Variants in SLC4A8 observed in about 807,000 individuals in gnomAD.
SLC4A8 encodes the protein solute carrier family 4 member 8, also known as electroneutral sodium bicarbonate exchanger 1.
SLC4A8 carries 40 observed loss-of-function variants against 125.0 expected under a neutral mutation model. The ratio of observed to expected loss-of-function variants is 0.32; its 90% CI spans 0.25 to 0.42. The LOEUF (loss-of-function observed/expected upper bound fraction) is 0.42. Among genes scored for constraint, SLC4A8 ranks in the 10% least tolerant of loss-of-function variants. The pLI is 1.00. For missense variants in SLC4A8, 863 were observed against 1,355.1 expected (o/e 0.64, Z 5.70); for synonymous variants, 456 against 476.0 (o/e 0.96, Z 0.55).
intron 1 of SLC4A8, among the ~76,000 whole-genome samples, chr12:51,411,732 G>A (rs1023303482): frequency 1.3e-5 from 2 of 151,946 alleles, no homozygotes. Flanking sequence ...CTAGTCTTCT[G>A]CAGTGTCAGT....
chr12:51,453,642 C>T lies in SLC4A8; in HGVS notation c.517C>T (p.Leu173Phe). ...LHSLFELRSC[L>F]INGTVLLDMH... ...CAGCCTGTTTGAGCTAAGGAGCTGC[C>T]TTATTAATGGAACAGTCCTCCTGGA... The change falls in exon 5 of 25, where the codon CTT becomes TTT. Residue 173 changes from leucine to phenylalanine, a missense_variant. By Grantham distance (22) the Leu-to-Phe change is conservative. Around this residue, in one of 6 missense-constraint regions of SLC4A8, gnomAD observed 390 missense variants for 634.4 expected, o/e 0.61. Transcript: ENST00000453097. 6.2e-7 allele frequency: 1 copy of T among 1,614,114 alleles called. No homozygotes were observed. The highest frequency in any genetic ancestry group is 8.5e-7 in the Non-Finnish European group (1 of 1,179,994).
At position 51,470,365 on chromosome 12, in the gene SLC4A8, C is replaced by T. The variant is rs764774902; in HGVS notation, c.1525-27C>T. 22 of 1,611,730 alleles carry T rather than the reference C, an allele frequency of 1.4e-5. No individual in the cohort carries two copies. In the South Asian group the frequency reaches 2.4e-4, roughly 18 times the overall value. ...TTACTCTGTACTGATGGGCTATGGA[C>T]TCAGTGATGACTTTTTTTCCTCTCA... On this transcript the variant is annotated intron_variant, in intron 12 of 24. Coordinates refer to ENST00000453097, the MANE Select transcript of SLC4A8 (RefSeq NM_001039960.3).
At chr12:51,487,106 AC>A (rs1310937513) in intron 17 of SLC4A8, among the ~76,000 whole-genome samples, 2 of 152,200 alleles carry the variant, frequency 1.3e-5, no homozygotes, top group East Asian at 3.8e-4. Flanking sequence ...AATTTCTGGG[AC>A]ATCTGTGAAG....
intron 5 of SLC4A8, among the ~76,000 whole-genome samples, chr12:51,456,714 T>G (rs1340149812): frequency 6.6e-6 from 1 of 152,238 alleles, no homozygotes; most frequent in Non-Finnish European, 1.5e-5. Flanking sequence ...GAACTCATAC[T>G]GATAACTGCT....
At chr12:51,459,498 T>G (rs898391626) in intron 7 of SLC4A8, among the ~76,000 whole-genome samples, 1 of 152,144 alleles carries the variant, frequency 6.6e-6, no homozygotes, top group East Asian at 1.9e-4. Flanking sequence ...ATATCCTCCT[T>G]CTGGGGTTTT....
intron 8 of SLC4A8, among the ~76,000 whole-genome samples, chr12:51,460,354 A>G (rs550316767): frequency 6.6e-6 from 1 of 151,558 alleles, no homozygotes; most frequent in East Asian, 1.9e-4. Flanking sequence ...GGATAGCACC[A>G]TGGCACCCCA....
At chr12:51,470,658 A>C in intron 13 of SLC4A8, 133 bp downstream of exon 13, 3 of 823,030 alleles carry the variant, frequency 3.6e-6, no homozygotes, top group Non-Finnish European at 5.8e-6. Context: ...GGAGACCATC[A>C]TTTGGTCTGT....
rs376513115 is a variant in SLC4A8, at chr12:51,450,910, G to A, written c.165G>A (p.Pro55=). 187 of 1,612,312 alleles carry A rather than the reference G, an allele frequency of 1.2e-4. No individual in the cohort carries two copies. The highest frequency in any genetic ancestry group is 1.5e-4 in the Non-Finnish European group (177 of 1,179,152). Residue 55 remains proline (P), a synonymous_variant, in exon 3 of 25, where the codon CCG becomes CCA. Coordinates refer to ENST00000453097, the MANE Select transcript of SLC4A8 (RefSeq NM_001039960.3). ...CTCTGTATGTGGGAGTTCGGATGCC[G>A]CTTGGCCGGCAGAGCCATCGGCATC... The part of the protein sequence containing the change: ...HRTLYVGVRM[P]LGRQSHRHHR...
At chr12:51,445,196 G>A (rs1949733886) in intron 2 of SLC4A8, among the ~76,000 whole-genome samples, 1 of 152,158 alleles carries the variant, frequency 6.6e-6, no homozygotes, top group Non-Finnish European at 1.5e-5. Context: ...TTTTGAGGCA[G>A]GGTCTCACTC....
At chr12:51,477,054 C>A (rs1464895998) in intron 16 of SLC4A8, among the ~76,000 whole-genome samples, 2 of 151,596 alleles carry the variant, frequency 1.3e-5, no homozygotes, top group African/African-American at 2.4e-5. Context: ...ATTGCAGGCA[C>A]TTACCATGCC....
rs1420860344 is a variant in SLC4A8, at chr12:51,508,182, G to C, written c.*744G>C. On this transcript the variant is annotated 3_prime_UTR_variant, in exon 25 of 25. Transcript: ENST00000453097. ...CGCTTAGATAGGAAAGGGATCCAGG[G>C]AAAATCAACAGTAAGTGAGGATGAG... 1 of 152,254 alleles carries C rather than the reference G, an allele frequency of 6.6e-6. No individual in the cohort carries two copies. The highest frequency in any genetic ancestry group is 1.5e-5 in the Non-Finnish European group (1 of 68,058). The allele number at this position is 152,254 out of a possible 1,614,324, so 9.4% of individuals were successfully genotyped here.
chr12:51,417,260 C>T (rs562314315), intron 1 of SLC4A8, among the ~76,000 whole-genome samples: 2 of 152,306 alleles, frequency 1.3e-5, no homozygotes, highest in South Asian at 4.1e-4. Context: ...GCTGCAGCCT[C>T]GACCTCCCTT....
At chr12:51,461,050 A>G (rs1180830179) in intron 8 of SLC4A8, among the ~76,000 whole-genome samples, 154 bp from the exon 9 acceptor site, 1 of 152,182 alleles carries the variant, frequency 6.6e-6, no homozygotes, top group Non-Finnish European at 1.5e-5. Flanking sequence ...AGGCAACTCA[A>G]AGTGCTCCTT....
chr12:51,479,759 A>C (rs1057376249), intron 16 of SLC4A8, among the ~76,000 whole-genome samples: 2 of 152,052 alleles, frequency 1.3e-5, no homozygotes, highest in African/African-American at 4.8e-5. Context: ...TTTTATAATA[A>C]AATTTTATAA....
chr12:51,393,438 ATGAG>A (rs1948199348), intron 1 of SLC4A8, among the ~76,000 whole-genome samples: 1 of 152,214 alleles, frequency 6.6e-6, no homozygotes, highest in South Asian at 2.1e-4. Flanking sequence ...GAGCAGGAGC[ATGAG>A]TGAGTAGATC....
intron 14 of SLC4A8, among the ~76,000 whole-genome samples, chr12:51,472,715 G>A (rs1215102265): frequency 1.3e-5 from 2 of 152,124 alleles, no homozygotes; most frequent in Non-Finnish European, 2.9e-5. Flanking sequence ...ACCAGCCCCG[G>A]ATTGAGTAGA....
chr12:51,418,668 T>C (rs1033040825), intron 1 of SLC4A8, among the ~76,000 whole-genome samples: 4 of 152,166 alleles, frequency 2.6e-5, no homozygotes, highest in African/African-American at 4.8e-5. Flanking sequence ...ATGTTAGAGA[T>C]AGAAAAAAGA....
rs1382053831 is a variant in SLC4A8, at chr12:51,471,531, T to C, written c.1903T>C (p.Tyr635His). Reference sequence around the variant, plus strand: ...CCAGCTGGACCACCTTAGCCTCTATTAGTAAGTGTGCTTTCTGCTTATTTT... The same window carrying C: ...CCAGCTGGACCACCTTAGCCTCTATCAGTAAGTGTGCTTTCTGCTTATTTT... ...HSQLDHLSLYYCRCTLPENPN... is the reference protein window; with the variant it reads ...HSQLDHLSLYHCRCTLPENPN... Residue 635 changes from tyrosine (Y) to histidine (H), a missense_variant and splice_region_variant, in exon 14 of 25, where the codon TAC becomes CAC. Tyr to His is a moderately conservative substitution (Grantham distance 83, BLOSUM62 2). Coordinates refer to ENST00000453097, the MANE Select transcript of SLC4A8 (RefSeq NM_001039960.3). 7.4e-6 allele frequency: 12 copies of C among 1,611,976 alleles called. No homozygotes were observed. The highest frequency in any genetic ancestry group is 1.0e-5 in the Non-Finnish European group (12 of 1,179,020).
chr12:51,499,606 G>A (rs566582559), intron 22 of SLC4A8, among the ~76,000 whole-genome samples: 1 of 128,454 alleles, frequency 7.8e-6, no homozygotes, highest in South Asian at 2.6e-4. Flanking sequence ...TGTTTTCTTG[G>A]TTATAGTGCT....
Sources: allele counts gnomAD v4.1 joint callset (sites outside exome capture counted in the v4.1 genomes callset), GRCh38; gene constraint gnomAD v4.1.1; regional missense constraint gnomAD v4.1.1; transcripts MANE v1.5; gene names NCBI Gene and HGNC (gene_info 2026-07-23, HGNC 2026-07-21).